Variants in DCAF12 observed in about 807,000 individuals in gnomAD.
The protein encoded by DCAF12 is DDB1 and CUL4 associated factor 12.
DCAF12 carries 28 observed loss-of-function variants against 52.8 expected under a neutral mutation model. The observed-to-expected ratio is 0.53, with a 90% CI of 0.39 to 0.73. The LOEUF (loss-of-function observed/expected upper bound fraction) is 0.73, where lower values mean the gene tolerates loss of function less well. Among genes scored for constraint, DCAF12 ranks in the 30% least tolerant of loss-of-function variants. The pLI, the probability that DCAF12 is intolerant of heterozygous loss-of-function variation, is 0.00. For synonymous variants in DCAF12, 196 were observed against 215.5 expected (o/e 0.91, Z 0.79); for missense variants, 425 against 552.2 (o/e 0.77, Z 2.31).
chr9:34,105,437 A>G (rs1256592646), intron 4 of DCAF12, among the ~76,000 whole-genome samples: 2 of 151,614 alleles, frequency 1.3e-5, no homozygotes, highest in African/African-American at 4.8e-5. Flanking sequence ...AAAGGAAAAG[A>G]AAAAAGGTAC....
chr9:34,100,261 C>T (rs894651431), intron 4 of DCAF12, among the ~76,000 whole-genome samples: 3 of 142,722 alleles, frequency 2.1e-5, no homozygotes, highest in Non-Finnish European at 3.0e-5. Flanking sequence ...TGCAGTGGTG[C>T]GATCTTGGCT....
rs1829226667 is a variant in DCAF12 at position 34,125,082 on chromosome 9, C to T, written c.274G>A (p.Val92Met). The change falls in exon 2 of 9, where the codon GTG becomes ATG. Residue 92 changes from valine (V) to methionine (M), a missense_variant. By Grantham distance (21) the Val-to-Met change is conservative. Transcript: ENST00000361264. ...TGATTCAACCACTGAGATGCAAACA[C>T]TTTATTAAGGGTCCCAAGGTGAAAC... ...REFHLGTLNK[V>M]FASQWLNHRQ... is the part of the protein sequence containing the mutation. 6.2e-7 allele frequency: 1 copy of T among 1,613,968 alleles called. No homozygotes were observed. The highest frequency in any genetic ancestry group is 8.5e-7 in the Non-Finnish European group (1 of 1,180,044).
intron 7 of DCAF12, chr9:34,089,857 T>A: frequency 3.0e-6 from 1 of 337,870 alleles, no homozygotes; most frequent in Non-Finnish European, 5.4e-6. Flanking sequence ...ATGCTCAAGA[T>A]GCTTTTGGCC....
At chr9:34,116,453 T>C (rs1829089308) in intron 2 of DCAF12, among the ~76,000 whole-genome samples, 1 of 150,704 alleles carries the variant, frequency 6.6e-6, no homozygotes, top group Admixed American at 6.6e-5. Flanking sequence ...GGCAGATCAC[T>C]TGAGGTCAGG....
rs561074332 is a variant in DCAF12, at chr9:34,104,666, A to C, written c.601+1768T>G. ...TGCAGTGGCTCATGCCTGTAATCCC[A>C]GCATTTTAGGAGGCCGAGGCAGGTG... On this transcript the variant is annotated intron_variant, in intron 4 of 8. Coordinates refer to ENST00000361264, the MANE Select transcript of DCAF12 (RefSeq NM_015397.4). Among the ~76,000 whole-genome samples the C allele has an allele frequency of 2.6e-4, 39 of 152,224 alleles. No individual in the cohort carries two copies. The South Asian group carries it at 7.9e-3, about 31-fold the overall frequency.
At chr9:34,113,697 T>C (rs1049189089) in intron 2 of DCAF12, among the ~76,000 whole-genome samples, 1 of 152,204 alleles carries the variant, frequency 6.6e-6, no homozygotes, top group Admixed American at 6.6e-5. Context: ...TTCCCAGGCC[T>C]TACCCTAAAA....
chr9:34,118,290 T>C (rs970037736), intron 2 of DCAF12, among the ~76,000 whole-genome samples: 1 of 152,098 alleles, frequency 6.6e-6, no homozygotes, highest in African/African-American at 2.4e-5. Flanking sequence ...TGCGGCATCA[T>C]GCCCGGCTAA....
At chr9:34,118,237 G>A (rs1478323998) in intron 2 of DCAF12, among the ~76,000 whole-genome samples, 6 of 152,094 alleles carry the variant, frequency 3.9e-5, no homozygotes, top group South Asian at 2.1e-4. Flanking sequence ...GGGTTCAAGC[G>A]ACTGTCCTGA....
intron 2 of DCAF12, among the ~76,000 whole-genome samples, chr9:34,115,893 G>A (rs1055030297): frequency 3.9e-5 from 6 of 152,050 alleles, no homozygotes; most frequent in Non-Finnish European, 7.3e-5. Flanking sequence ...TACCTTTAAC[G>A]GCGATAAGGT....
In DCAF12 at chr9:34,089,506, T is replaced by C. The variant is rs767505215; in HGVS notation, c.1109A>G (p.Gln370Arg). The C allele has an allele frequency of 3.0e-5, 49 of 1,614,082 alleles. No homozygotes were observed. The East Asian group carries it at 1.1e-3, about 36-fold the overall frequency. Residue 370 changes from glutamine (Q) to arginine (R), a missense_variant, in exon 8 of 9, where the codon CAG (glutamine) becomes CGG (arginine). Coordinates refer to ENST00000361264, the MANE Select transcript of DCAF12 (RefSeq NM_015397.4). ...GSLLFYDIRA[Q>R]RFLEERLSAC... The stretch of plus-strand genomic sequence containing the variant: ...TGAGAGCCTCTCTTCCAGAAATCTC[T>C]GAGCTCGGATGTCATAGAACAGCAG...
At chr9:34,110,658 AT>A (rs1269009775) in intron 2 of DCAF12, among the ~76,000 whole-genome samples, 2 of 152,106 alleles carry the variant, frequency 1.3e-5, no homozygotes, top group Non-Finnish European at 2.9e-5. Flanking sequence ...CAGCCCAGGA[AT>A]TTATGAACAG....
intron 1 of DCAF12, among the ~76,000 whole-genome samples, chr9:34,125,933 G>C (rs945672819): frequency 6.6e-6 from 1 of 152,136 alleles, no homozygotes; most frequent in Non-Finnish European, 1.5e-5. Context: ...CCCAGCTCAG[G>C]GTTGGGTATA....
intron 2 of DCAF12, among the ~76,000 whole-genome samples, chr9:34,122,720 C>A (rs1241441065): frequency 6.6e-6 from 1 of 152,122 alleles, no homozygotes; most frequent in African/African-American, 2.4e-5. Context: ...TCAGGTGATC[C>A]GCCCGCCTTG....
rs537731120 is a variant in DCAF12 at position 34,108,689 on chromosome 9, G to A, written c.334-1124C>T. 5.3e-5 allele frequency among the ~76,000 whole-genome samples: 8 copies of A among 151,948 alleles called. No homozygotes were observed. In the South Asian group the frequency reaches 1.7e-3, roughly 32 times the overall value. On this transcript the variant is annotated intron_variant, in intron 2 of 8. Transcript: ENST00000361264. ...TAATCTCAGCTACTCGGGAGGCTGAGGCAGAAGAATCGCTTGAACCGAGGA... is the reference window on the plus strand; with the variant it reads ...TAATCTCAGCTACTCGGGAGGCTGAAGCAGAAGAATCGCTTGAACCGAGGA...
In DCAF12 at chr9:34,110,392, A is replaced by C. The variant is rs549974064; in HGVS notation, c.334-2827T>G. Among the ~76,000 whole-genome samples the C allele has an allele frequency of 8.6e-5, 13 of 151,568 alleles. No homozygotes were observed. In the South Asian group the frequency reaches 2.7e-3, roughly 32 times the overall value. On this transcript the variant is annotated intron_variant, in intron 2 of 8. Coordinates refer to ENST00000361264, the MANE Select transcript of DCAF12 (RefSeq NM_015397.4). ...TACCTCCTAAATATTCTTACAGCTG[A>C]CTCCTTCCTCTGCTTCCTCACTCAT... is the stretch of plus-strand genomic sequence containing the variant.
intron 6 of DCAF12, among the ~76,000 whole-genome samples, chr9:34,094,691 C>T (rs1273039018): frequency 2.6e-5 from 4 of 151,834 alleles, no homozygotes; most frequent in African/African-American, 7.3e-5. Context: ...CCACCACGCC[C>T]GGCTAATTTT....
In DCAF12 at chr9:34,091,419, G is replaced by T. The variant is rs150564298; in HGVS notation, c.1025-1829C>A. On this transcript the variant is annotated intron_variant, in intron 7 of 8. Coordinates refer to ENST00000361264, the MANE Select transcript of DCAF12 (RefSeq NM_015397.4). ...GCACACACTTTGGGAGGCTGAGGTGGGTGTCCCAAGAGTTTGAGACAACTC... is the reference window on the plus strand; with the variant it reads ...GCACACACTTTGGGAGGCTGAGGTGTGTGTCCCAAGAGTTTGAGACAACTC... Among the ~76,000 whole-genome samples the T allele has an allele frequency of 2.0e-3, 311 of 151,918 alleles. 1 individual carries two copies. The highest frequency in any genetic ancestry group is 7.1e-3 in the African/African-American group (294 of 41,452).
intron 4 of DCAF12, among the ~76,000 whole-genome samples, chr9:34,102,197 G>A (rs2131431951): frequency 6.6e-6 from 1 of 151,878 alleles, no homozygotes; most frequent in East Asian, 1.9e-4. Flanking sequence ...GCTGAGGTGG[G>A]AGGGTCACTG....
intron 2 of DCAF12, among the ~76,000 whole-genome samples, chr9:34,114,138 T>C (rs527480318): frequency 1.5e-4 from 22 of 151,722 alleles, no homozygotes; most frequent in South Asian, 6.2e-4. Context: ...AGATACACAA[T>C]GCAATACTGT....
Sources: allele counts gnomAD v4.1 joint callset (sites outside exome capture counted in the v4.1 genomes callset), GRCh38; gene constraint gnomAD v4.1.1; transcripts MANE v1.5; gene names NCBI Gene and HGNC (gene_info 2026-07-23, HGNC 2026-07-21).